Variants in GTF2F2 observed in about 807,000 individuals in gnomAD.
The protein encoded by GTF2F2 is general transcription factor IIF subunit 2.
GTF2F2 carries 23 observed loss-of-function variants against 42.2 expected under a neutral mutation model. The ratio of observed to expected loss-of-function variants is 0.55; its 90% CI spans 0.39 to 0.77. The LOEUF is 0.77. GTF2F2 is among the 30% of genes least tolerant of loss of function. The pLI, the probability that GTF2F2 is intolerant of heterozygous loss-of-function variation, is 0.00. For synonymous variants in GTF2F2, 105 were observed against 100.8 expected (o/e 1.04, Z -0.25); for missense variants, 261 against 287.2 (o/e 0.91, Z 0.66).
chr13:45,166,745 A>G lies in GTF2F2; in HGVS notation c.304+14914A>G, dbSNP rs553286777. Among the ~76,000 whole-genome samples, 211 of 152,326 alleles carry G rather than the reference A, an allele frequency of 1.4e-3. 6 individuals are homozygous for G. In the South Asian group the frequency reaches 0.042, roughly 31 times the overall value. On this transcript the variant is annotated intron_variant, in intron 4 of 7. Coordinates refer to ENST00000340473, the MANE Select transcript of GTF2F2 (RefSeq NM_004128.3). ...GGAATAAAAAATGTTATTTAATGTA[A>G]TAGAGTGAATATGAATAGGGACTAT...
chr13:45,275,590 A>G (rs1318147970), intron 7 of GTF2F2, among the ~76,000 whole-genome samples: 1 of 151,772 alleles, frequency 6.6e-6, no homozygotes, highest in African/African-American at 2.4e-5. Context: ...GCTCAGAATG[A>G]TGGTTTCCAG....
intron 4 of GTF2F2, among the ~76,000 whole-genome samples, chr13:45,175,774 C>T (rs552952164): frequency 5.9e-5 from 9 of 152,074 alleles, no homozygotes; most frequent in Non-Finnish European, 7.4e-5. Context: ...AGGCATGCGC[C>T]GCTACACCTG....
chr13:45,257,617 G>A (rs933534789), intron 6 of GTF2F2, among the ~76,000 whole-genome samples: 2 of 152,096 alleles, frequency 1.3e-5, no homozygotes, highest in Non-Finnish European at 2.9e-5. Flanking sequence ...ACAGACATTG[G>A]GAAATAATGG....
In GTF2F2 at chr13:45,145,221, G is replaced by C. The variant is rs549756639; in HGVS notation, c.141-4549G>C. On this transcript the variant is annotated intron_variant, in intron 2 of 7. Transcript: ENST00000340473. ...CTTATCCCAGGGAAGTAATAGGTGA[G>C]TGATGGAAAGATTAATATATGAGGA... is the stretch of plus-strand genomic sequence containing the variant. Among the ~76,000 whole-genome samples the C allele has an allele frequency of 2.6e-5, 4 of 152,288 alleles. No homozygotes were observed. The South Asian group carries it at 8.3e-4, about 32-fold the overall frequency.
rs184377492 is a variant in GTF2F2, at chr13:45,273,927, C to G, written c.630+6551C>G. 8.5e-5 allele frequency among the ~76,000 whole-genome samples: 13 copies of G among 152,262 alleles called. No homozygotes were observed. In the East Asian group the frequency reaches 2.3e-3, roughly 27 times the overall value. On this transcript the variant is annotated intron_variant, in intron 7 of 7. Transcript: ENST00000340473. ...TGCCATCTCTATGGAAATAATTTCCCTCGGGAAAGAAATAATTTTCTTTGT... is the reference window on the plus strand; with the variant it reads ...TGCCATCTCTATGGAAATAATTTCCGTCGGGAAAGAAATAATTTTCTTTGT...
intron 4 of GTF2F2, among the ~76,000 whole-genome samples, chr13:45,157,877 C>T (rs2138127971): frequency 6.6e-6 from 1 of 152,248 alleles, no homozygotes; most frequent in East Asian, 1.9e-4. Context: ...AGCCACTGTG[C>T]CCAGTCTGCC....
At position 45,160,950 on chromosome 13, in the gene GTF2F2, G is replaced by A. The variant is rs575691587; in HGVS notation, c.304+9119G>A. ...CAGTTGCAACTATGCTTTTCTTTGAGGCAATCATCTTATGTTAGTGTCCAG... is the reference window on the plus strand; with the variant it reads ...CAGTTGCAACTATGCTTTTCTTTGAAGCAATCATCTTATGTTAGTGTCCAG... On this transcript the variant is annotated intron_variant, in intron 4 of 7. Transcript: ENST00000340473. Among the ~76,000 whole-genome samples, 4 of 152,224 alleles carry A rather than the reference G, an allele frequency of 2.6e-5. No individual in the cohort carries two copies. The South Asian group carries it at 8.3e-4, about 32-fold the overall frequency.
chr13:45,273,145 C>T (rs2138270974), intron 7 of GTF2F2, among the ~76,000 whole-genome samples: 1 of 151,600 alleles, frequency 6.6e-6, no homozygotes, highest in African/African-American at 2.4e-5. Flanking sequence ...CCAGGCTGGT[C>T]CTGAACTCCT....
chr13:45,208,391 T>G (rs1227294072), intron 5 of GTF2F2, among the ~76,000 whole-genome samples: 1 of 152,190 alleles, frequency 6.6e-6, no homozygotes, highest in African/African-American at 2.4e-5. Context: ...ATATTATACC[T>G]GTTTCATAGT....
At chr13:45,128,349 C>T (rs1387541402) in intron 1 of GTF2F2, among the ~76,000 whole-genome samples, 4 of 149,300 alleles carry the variant, frequency 2.7e-5, no homozygotes, top group African/African-American at 7.3e-5. Flanking sequence ...CCGAGGCGGG[C>T]AGATCACGAG....
chr13:45,261,936 C>T (rs1307067509), intron 6 of GTF2F2, among the ~76,000 whole-genome samples: 1 of 152,116 alleles, frequency 6.6e-6, no homozygotes, highest in Non-Finnish European at 1.5e-5. Flanking sequence ...TTGGTTTTGT[C>T]CTAACTATAA....
intron 5 of GTF2F2, among the ~76,000 whole-genome samples, chr13:45,213,583 C>A (rs553313835): frequency 6.6e-6 from 1 of 152,278 alleles, no homozygotes; most frequent in Admixed American, 6.5e-5. Context: ...GTATCCTCTA[C>A]AACATTATAA....
chr13:45,203,748 A>G (rs1386789160), intron 4 of GTF2F2, among the ~76,000 whole-genome samples: 1 of 152,222 alleles, frequency 6.6e-6, no homozygotes, highest in Non-Finnish European at 1.5e-5. Context: ...ACCCACTAGT[A>G]TATAGTGACT....
chr13:45,153,582 A>G (rs1418073815), intron 4 of GTF2F2, among the ~76,000 whole-genome samples: 7 of 152,200 alleles, frequency 4.6e-5, no homozygotes, highest in Admixed American at 4.6e-4. Flanking sequence ...CCCTTCAACA[A>G]ATATTTATTG....
At chr13:45,207,290 T>C in intron 4 of GTF2F2, 134 bp from the exon 5 acceptor site, 1 of 609,240 alleles carries the variant, frequency 1.6e-6, no homozygotes, top group East Asian at 2.8e-5. Context: ...GTGAGATTCC[T>C]GAAACTTAAC....
intron 4 of GTF2F2, among the ~76,000 whole-genome samples, chr13:45,159,893 C>G (rs759969107): frequency 6.6e-6 from 1 of 152,112 alleles, no homozygotes; most frequent in Non-Finnish European, 1.5e-5. Flanking sequence ...TGAATTAAGC[C>G]TTCTTTATAT....
chr13:45,264,112 G>A (rs903787588), intron 6 of GTF2F2, among the ~76,000 whole-genome samples: 11 of 152,176 alleles, frequency 7.2e-5, no homozygotes, highest in African/African-American at 2.4e-4. Context: ...GTAGGCTGCA[G>A]TGCCCCCAGG....
Position 45,228,669 on chromosome 13 carries a change from C to CTTTTTTTTTTTT in GTF2F2, c.386+21171_386+21182dup, listed in dbSNP as rs57570023. On this transcript the variant is annotated intron_variant, in intron 5 of 7. Coordinates refer to ENST00000340473, the MANE Select transcript of GTF2F2 (RefSeq NM_004128.3). Reference sequence around the variant, plus strand: ...TCTCCTTATTGCTGCCAGAGTTAATCTTTTTTTTTTTTTTTTTTGAGACGG... The same window carrying CTTTTTTTTTTTT: ...TCTCCTTATTGCTGCCAGAGTTAATCTTTTTTTTTTTTTTTTTTTTTTTTTTTTTTGAGACGG... Among the ~76,000 whole-genome samples the CTTTTTTTTTTTT allele has an allele frequency of 3.4e-4, 37 of 108,296 alleles. 1 individual carries two copies. The highest frequency in any genetic ancestry group is 1.3e-3 in the African/African-American group (27 of 20,944). The allele number at this position is 108,296 out of a possible 152,430, so 71.0% of individuals were successfully genotyped here.
At chr13:45,145,183 C>A (rs1870132927) in intron 2 of GTF2F2, among the ~76,000 whole-genome samples, 1 of 152,190 alleles carries the variant, frequency 6.6e-6, no homozygotes, top group African/African-American at 2.4e-5. Context: ...TTCATTCCAT[C>A]AACTGCTAGG....
Sources: allele counts gnomAD v4.1 joint callset (sites outside exome capture counted in the v4.1 genomes callset), GRCh38; gene constraint gnomAD v4.1.1; transcripts MANE v1.5; gene names NCBI Gene and HGNC (gene_info 2026-07-23, HGNC 2026-07-21).